Variants in MALRD1 observed in about 807,000 individuals in gnomAD.
The protein encoded by MALRD1 is MAM and LDL-receptor class A domain-containing protein 1.
MALRD1 carries 247 observed loss-of-function variants against 242.1 expected under a neutral mutation model. That is an observed-to-expected ratio of 1.02 (90% CI 0.92 to 1.13). The LOEUF (loss-of-function observed/expected upper bound fraction) is 1.13, where lower values mean the gene tolerates loss of function less well. Among genes scored for constraint, MALRD1 ranks in the 50% most tolerant of loss-of-function variants. The pLI is 0.00. For synonymous variants in MALRD1, 995 were observed against 866.6 expected (o/e 1.15, Z -2.60); for missense variants, 2,989 against 2,533.1 (o/e 1.18, Z -3.86).
chr10:19,636,318 T>A (rs1840122842), intron 36 of MALRD1, among the ~76,000 whole-genome samples: 1 of 152,108 alleles, frequency 6.6e-6, no homozygotes, highest in Admixed American at 6.6e-5. Context: ...ACCCATTGAC[T>A]TTCCAATAAA....
In MALRD1 at chr10:19,327,583, C is replaced by T. The variant is rs948258440; in HGVS notation, c.3597C>T (p.Asn1199=). 1.9e-5 allele frequency: 29 copies of T among 1,549,546 alleles called. No homozygotes were observed. The highest frequency in any genetic ancestry group is 4.1e-5 in the African/African-American group (3 of 73,094). Residue 1199 remains asparagine (N), a synonymous_variant, in exon 23 of 40, where the codon AAC becomes AAT. Coordinates refer to ENST00000454679, the MANE Select transcript of MALRD1 (RefSeq NM_001142308.3). ...TATAGGTGCTCATCAAGAAAGATAA[C>T]GTTACTTCTAAATTGTGGGCTCAAA... is the stretch of plus-strand genomic sequence containing the variant. ...GSLQVLIKKD[N]VTSKLWAQTG... is the part of the protein sequence containing the mutation.
intron 31 of MALRD1, among the ~76,000 whole-genome samples, chr10:19,503,001 T>G (rs1207426618): frequency 6.6e-6 from 1 of 152,208 alleles, no homozygotes; most frequent in Non-Finnish European, 1.5e-5. Flanking sequence ...ATGAAAAGTT[T>G]TGAATCTGGT....
intron 26 of MALRD1, among the ~76,000 whole-genome samples, chr10:19,354,715 A>G (rs537474508): frequency 1.3e-5 from 2 of 152,250 alleles, no homozygotes; most frequent in South Asian, 4.1e-4. Flanking sequence ...ACAATAATTT[A>G]CTGTGTATTT....
At chr10:19,128,171 A>G in intron 7 of MALRD1, 50 bp from the exon 8 acceptor site, 1 of 1,188,868 alleles carries the variant, frequency 8.4e-7, no homozygotes, top group Non-Finnish European at 1.1e-6. Context: ...AGTCAGACAG[A>G]AAGAAGCTAA....
At chr10:19,252,248 G>GC (rs1182714892) in intron 18 of MALRD1, among the ~76,000 whole-genome samples, 3 of 151,952 alleles carry the variant, frequency 2.0e-5, no homozygotes, top group African/African-American at 7.2e-5. Flanking sequence ...TGAAATATTG[G>GC]CAACCAATCT....
chr10:19,717,067 A>G (rs1239336337), intron 38 of MALRD1, among the ~76,000 whole-genome samples: 1 of 152,134 alleles, frequency 6.6e-6, no homozygotes. Flanking sequence ...CAGGTGTTTT[A>G]TTTGATTTAA....
At chr10:19,647,556 A>G (rs185828819) in intron 36 of MALRD1, among the ~76,000 whole-genome samples, 36 of 152,320 alleles carry the variant, frequency 2.4e-4, no homozygotes, top group Admixed American at 1.3e-3. Flanking sequence ...GTCACAATTT[A>G]GCCAGGACAA....
chr10:19,655,948 T>C (rs1841136272), intron 36 of MALRD1, among the ~76,000 whole-genome samples: 1 of 152,158 alleles, frequency 6.6e-6, no homozygotes, highest in Non-Finnish European at 1.5e-5. Flanking sequence ...TGATGCTGTC[T>C]AGCTGCAGGA....
intron 28 of MALRD1, among the ~76,000 whole-genome samples, chr10:19,402,435 G>C (rs903773245): frequency 1.3e-5 from 2 of 152,070 alleles, no homozygotes; most frequent in Admixed American, 6.6e-5. Flanking sequence ...AGATCCAGTG[G>C]TTTTATAAAT....
intron 28 of MALRD1, among the ~76,000 whole-genome samples, chr10:19,431,857 A>G (rs1292763357): frequency 5.3e-5 from 8 of 152,150 alleles, no homozygotes; most frequent in Non-Finnish European, 1.2e-4. Context: ...GTGCCACGGG[A>G]CAGATACAAT....
At chr10:19,394,372 C>T (rs1450777104) in intron 28 of MALRD1, among the ~76,000 whole-genome samples, 1 of 152,118 alleles carries the variant, frequency 6.6e-6, no homozygotes, top group Admixed American at 6.5e-5. Context: ...TGAATTCTAA[C>T]TTAAGGCTCT....
At position 19,530,372 on chromosome 10, in the gene MALRD1, T is replaced by A. The variant is rs1175384694; in HGVS notation, c.5321-822T>A. 2.0e-5 allele frequency among the ~76,000 whole-genome samples: 2 copies of A among 97,648 alleles called. 1 individual carries two copies. The highest frequency in any genetic ancestry group is 3.5e-5 in the Non-Finnish European group (2 of 57,192). The allele number at this position is 97,648 out of a possible 152,430, so 64.1% of individuals were successfully genotyped here. A position where few individuals can be genotyped will look rare whatever the true frequency, so the allele number is the denominator to read the frequency against. The stretch of plus-strand genomic sequence containing the variant: ...AATATATAATATTTATATAAATATT[T>A]ATATAAATATTATATATTTATATAA... On this transcript the variant is annotated intron_variant, in intron 31 of 39. Coordinates refer to ENST00000454679, the MANE Select transcript of MALRD1 (RefSeq NM_001142308.3).
At chr10:19,148,232 G>A (rs943728189) in intron 11 of MALRD1, among the ~76,000 whole-genome samples, 6 of 152,002 alleles carry the variant, frequency 3.9e-5, no homozygotes, top group Non-Finnish European at 5.9e-5. Context: ...GAAGCTGTGC[G>A]GGCAGTGTGT....
intron 18 of MALRD1, among the ~76,000 whole-genome samples, chr10:19,220,353 A>G (rs967996247): frequency 1.3e-5 from 2 of 152,118 alleles, no homozygotes; most frequent in African/African-American, 2.4e-5. Context: ...AGAGAGAGAG[A>G]ATGCACACTT....
chr10:19,731,283 C>T (rs1353231730), intron 39 of MALRD1, among the ~76,000 whole-genome samples: 1 of 152,064 alleles, frequency 6.6e-6, no homozygotes, highest in Admixed American at 6.6e-5. Flanking sequence ...TTTGGGGCTA[C>T]CCCTTATTTT....
intron 38 of MALRD1, among the ~76,000 whole-genome samples, chr10:19,693,234 G>T (rs1441921293): frequency 7.2e-5 from 11 of 151,816 alleles, no homozygotes; most frequent in African/African-American, 2.4e-4. Context: ...GGGCAATCAG[G>T]CAGGAGAAAG....
intron 32 of MALRD1, among the ~76,000 whole-genome samples, chr10:19,561,253 A>G (rs779106005): frequency 3.3e-5 from 5 of 152,130 alleles, no homozygotes; most frequent in Admixed American, 6.6e-5. Flanking sequence ...AATGTTGTCA[A>G]TCTTCATAAA....
intron 36 of MALRD1, among the ~76,000 whole-genome samples, chr10:19,621,743 A>AT (rs1006399741): frequency 6.6e-6 from 1 of 151,866 alleles, no homozygotes; most frequent in African/African-American, 2.4e-5. Flanking sequence ...AGTACCTGAA[A>AT]TTTTTAACAC....
chr10:19,369,221 C>A (rs767954826), intron 26 of MALRD1, among the ~76,000 whole-genome samples: 1 of 143,848 alleles, frequency 7.0e-6, no homozygotes, highest in African/African-American at 2.5e-5. Flanking sequence ...AATATTAATT[C>A]TTGTATATAA....
Sources: allele counts gnomAD v4.1 joint callset (sites outside exome capture counted in the v4.1 genomes callset), GRCh38; gene constraint gnomAD v4.1.1; transcripts MANE v1.5; gene names NCBI Gene and HGNC (gene_info 2026-07-23, HGNC 2026-07-21).